The following TMPRSS5 variants were observed in gnomAD, a reference collection of about 807,000 sequenced individuals.
The protein encoded by TMPRSS5 is transmembrane serine protease 5.
A neutral mutation model predicts 59.7 loss-of-function variants in TMPRSS5; 45 were observed. The observed-to-expected ratio is 0.75, with a 90% CI of 0.59 to 0.97. The LOEUF is 0.97. Among genes scored for constraint, TMPRSS5 ranks in the 50% least tolerant of loss-of-function variants. TMPRSS5 has a pLI of 0.00. For synonymous variants in TMPRSS5, 225 were observed against 232.0 expected, an observed-to-expected ratio of 0.97 and a Z score of 0.27; for missense variants, 585 against 596.7, an observed-to-expected ratio of 0.98 and a Z score of 0.20.
intron 8 of TMPRSS5, 128 bp from the exon 9 acceptor site, chr11:113,693,377 CCAGGCCCCACAG>C (rs1324572177): frequency 1.0e-6 from 1 of 1,002,056 alleles, no homozygotes; most frequent in East Asian, 2.7e-5. Context: ...CGGTGAGCTC[CCAGGCCCCACAG>C]ACTATGCCTC....
At chr11:113,699,517 T>C in intron 3 of TMPRSS5, 78 bp downstream of exon 3, 1 of 1,231,006 alleles carries the variant, frequency 8.1e-7, no homozygotes, top group South Asian at 1.4e-5. Context: ...AGTTGTCCCA[T>C]TTACCTTTAA....
intron 9 of TMPRSS5, among the ~76,000 whole-genome samples, chr11:113,692,597 G>C (rs773537325): frequency 1.3e-5 from 2 of 152,234 alleles, no homozygotes; most frequent in African/African-American, 2.4e-5. Context: ...TTTGCCACAT[G>C]ACCTTGAAGA....
intron 9 of TMPRSS5, 44 bp from the exon 10 acceptor site, chr11:113,690,983 T>A (rs1259299624): frequency 6.5e-7 from 1 of 1,530,458 alleles, no homozygotes; most frequent in Non-Finnish European, 8.9e-7. Flanking sequence ...AGGCTTGGCT[T>A]CCCCCACTGC....
chr11:113,693,150 G>A lies in TMPRSS5; in HGVS notation c.885C>T (p.Ile295=), dbSNP rs369332063. 1.9e-6 allele frequency: 3 copies of A among 1,600,416 alleles called. No individual in the cohort carries two copies. The highest frequency in any genetic ancestry group is 2.7e-5 in the African/African-American group (2 of 74,668). ...TCTGGGCACTGTAGAGGGGGTGTGG[G>A]ATAATCCTCTCCACCAGAGCCCCTT... ...PHQGALVERI[I]PHPLYSAQNH... The change falls in exon 9 of 13, where the codon ATC becomes ATT. Residue 295 remains isoleucine, a synonymous_variant. Coordinates refer to ENST00000299882, the MANE Select transcript of TMPRSS5 (RefSeq NM_030770.4).
At position 113,697,304 on chromosome 11, in the gene TMPRSS5, CA is replaced by C; in HGVS notation, c.442del (p.Cys148AlafsTer15). On this transcript the variant is annotated frameshift_variant, in exon 5 of 13. Coordinates refer to ENST00000299882, the MANE Select transcript of TMPRSS5 (RefSeq NM_030770.4). LOFTEE classifies it high-confidence loss of function. ...GWSPALGLQI[C>X]WSLGHLRLTH... ...TTACCTGAGATGCCCAAGGCTCCAG[CA>C]GATCTGCAGCCCCAGGGCGGGGCTC... The C allele has an allele frequency of 6.2e-7, 1 of 1,612,678 alleles. No individual in the cohort carries two copies. The highest frequency in any genetic ancestry group is 8.5e-7 in the Non-Finnish European group (1 of 1,178,966).
chr11:113,693,018 C>CCCCCACAAA, intron 9 of TMPRSS5, 53 bp downstream of exon 9: 2 of 1,394,746 alleles, frequency 1.4e-6, no homozygotes, highest in East Asian at 2.6e-5. Flanking sequence ...ACCCAGCCCC[C>CCCCCACAAA]GCCCTCTCTC....
Position 113,699,684 on chromosome 11 carries a change from G to A in TMPRSS5, c.116C>T (p.Ala39Val), listed in dbSNP as rs764401839. The A allele has an allele frequency of 1.9e-5, 30 of 1,570,338 alleles. No homozygotes were observed. Among genetic ancestry groups the A allele is most frequent in the Admixed American group, 1.1e-4 (6 of 52,890 alleles). The change falls in exon 3 of 13, where the codon GCA (alanine) becomes GTA (valine). Residue 39 changes from alanine (A) to valine (V), a missense_variant. Ala to Val is a moderately conservative substitution (Grantham distance 64). Transcript: ENST00000299882. ...ACGTCGCATGGAACGCCAGCACACT[G>A]CCTGAGAAACTGTGGGAAAGGGCAG... Reference protein sequence around the residue: ...PGDQQHPISQAVCWRSMRRGC... With the variant: ...PGDQQHPISQVVCWRSMRRGC...
chr11:113,700,621 A>G (rs992061417), intron 1 of TMPRSS5, among the ~76,000 whole-genome samples: 4 of 152,184 alleles, frequency 2.6e-5, no homozygotes, highest in African/African-American at 9.7e-5. Context: ...ATTTGGTCCA[A>G]GTGCACAGGT....
intron 8 of TMPRSS5, 106 bp downstream of exon 8, chr11:113,694,372 A>T: frequency 7.8e-7 from 1 of 1,275,224 alleles, no homozygotes; most frequent in South Asian, 1.5e-5. Context: ...CTTTTGGAGC[A>T]AAAAGCTGGA....
chr11:113,688,080 G>A lies in TMPRSS5; in HGVS notation c.*180C>T. 1.0e-6 allele frequency: 1 copy of A among 977,712 alleles called. No homozygotes were observed. Among genetic ancestry groups the A allele is most frequent in the Non-Finnish European group, 1.4e-6 (1 of 723,572 alleles). The allele number at this position is 977,712 out of a possible 1,614,324, so 60.6% of individuals were successfully genotyped here. ...AGGACTCTGAAATCAGGGCCCAAGA[G>A]GAGAGACCTGTTGGCTGGGTGGCTG... On this transcript the variant is annotated 3_prime_UTR_variant, in exon 13 of 13. Transcript: ENST00000299882.
In TMPRSS5 at chr11:113,693,122, G is replaced by A. The variant is rs759502074; in HGVS notation, c.913C>T (p.His305Tyr). The A allele has an allele frequency of 1.4e-5, 22 of 1,594,716 alleles. No homozygotes were observed. The highest frequency in any genetic ancestry group is 8.8e-5 in the Admixed American group (5 of 57,110). Residue 305 changes from histidine to tyrosine, a missense_variant, in exon 9 of 13, where the codon CAT becomes TAT. His to Tyr is a moderately conservative substitution (Grantham distance 83, BLOSUM62 2). Transcript: ENST00000299882. Reference sequence around the variant, plus strand: ...CTCAGGAGGGCGACGTCGTAGTCATGATTCTGGGCACTGTAGAGGGGGTGT... The same window carrying A: ...CTCAGGAGGGCGACGTCGTAGTCATAATTCTGGGCACTGTAGAGGGGGTGT... ...IPHPLYSAQNHDYDVALLRLQ... is the reference protein window; with the variant it reads ...IPHPLYSAQNYDYDVALLRLQ...
At chr11:113,700,889 A>C (rs766471050) in intron 1 of TMPRSS5, among the ~76,000 whole-genome samples, 9 of 152,322 alleles carry the variant, frequency 5.9e-5, no homozygotes, top group Non-Finnish European at 1.3e-4. Flanking sequence ...TGATTAAATC[A>C]TGGGGCTGGT....
At chr11:113,691,469 G>A (rs186345468) in intron 9 of TMPRSS5, among the ~76,000 whole-genome samples, 30 of 152,180 alleles carry the variant, frequency 2.0e-4, no homozygotes, top group African/African-American at 4.8e-4. Context: ...ACTGCCTGCC[G>A]TCCTCCCACC....
chr11:113,690,203 C>A, intron 11 of TMPRSS5, 28 bp downstream of exon 11: 1 of 1,533,396 alleles, frequency 6.5e-7, no homozygotes, highest in Non-Finnish European at 8.8e-7. Flanking sequence ...TCCACTCCCA[C>A]CCTCACCCCA....
chr11:113,699,211 GTCTCTC>G (rs1221479693), intron 3 of TMPRSS5, among the ~76,000 whole-genome samples, 184 bp from the exon 4 acceptor site: 44 of 63,000 alleles, frequency 7.0e-4, no homozygotes, highest in Admixed American at 1.3e-3. Flanking sequence ...TTGTCTGTCT[GTCTCTC>G]TCTCTCTCTC....
chr11:113,706,228 G>C lies in TMPRSS5; in HGVS notation c.-4C>G, dbSNP rs548810321. ...CACAGAGACGTAACCTTACCATAGG[G>C]GTCAGTGGCACTGTTGTAAAGCCTC... On this transcript the variant is annotated 5_prime_UTR_variant, in exon 1 of 13. Transcript: ENST00000299882. The C allele has an allele frequency of 1.2e-6, 2 of 1,601,772 alleles. No homozygotes were observed. The highest frequency in any genetic ancestry group is 1.7e-5 in the Admixed American group (1 of 58,252).
intron 4 of TMPRSS5, chr11:113,698,703 C>T: frequency 1.6e-6 from 1 of 617,080 alleles, no homozygotes; most frequent in East Asian, 2.9e-5. Flanking sequence ...AGCTAGAGAT[C>T]AGGACAGTCC....
chr11:113,701,572 C>T (rs1374688548), intron 1 of TMPRSS5, among the ~76,000 whole-genome samples: 1 of 151,018 alleles, frequency 6.6e-6, no homozygotes, highest in Non-Finnish European at 1.5e-5. Flanking sequence ...CAGATCAAAA[C>T]TTTGACAAAT....
In TMPRSS5 at chr11:113,690,355, A is replaced by G; in HGVS notation, c.1082T>C (p.Leu361Pro). The stretch of plus-strand genomic sequence containing the variant: ...GAACAAGGGCACCACCGTGTCCTGG[A>G]GCATATCCGAGCTGTAAGCTATGAG... ...HPSHTYSSDM[L>P]QDTVVPLFST... Residue 361 changes from leucine (L) to proline (P), a missense_variant, in exon 11 of 13, where the codon CTC (leucine) becomes CCC (proline). Coordinates refer to ENST00000299882, the MANE Select transcript of TMPRSS5 (RefSeq NM_030770.4). 6.2e-7 allele frequency: 1 copy of G among 1,605,610 alleles called. No homozygotes were observed. The highest frequency in any genetic ancestry group is 8.5e-7 in the Non-Finnish European group (1 of 1,177,080).
Sources: gnomAD v4.1 joint callset for allele counts (sites outside exome capture counted in the v4.1 genomes callset) on GRCh38, gnomAD v4.1.1 for gene constraint, MANE v1.5 for transcripts, NCBI Gene and HGNC (gene_info 2026-07-23, HGNC 2026-07-21) for gene names.